Variants in PLEKHD1 observed in about 807,000 individuals in gnomAD.
PLEKHD1 encodes pleckstrin homology and coiled-coil domain containing D1, also known as pleckstrin homology domain-containing family D member 1.
Under a neutral mutation model 69.2 loss-of-function variants are expected in PLEKHD1, and 51 were observed. The observed-to-expected ratio is 0.74, with a 90% CI of 0.59 to 0.93. The LOEUF is 0.93. Ranked by LOEUF, PLEKHD1 falls within the 40% of genes least tolerant of loss-of-function variation. The pLI is 0.00. For missense variants in PLEKHD1, 584 were observed against 641.0 expected (o/e 0.91, Z 0.96); for synonymous variants, 236 against 244.7 (o/e 0.96, Z 0.33).
intron 3 of PLEKHD1, 86 bp from the exon 4 acceptor site, chr14:69,500,785 G>GCT: frequency 6.6e-7 from 1 of 1,517,992 alleles, no homozygotes. Flanking sequence ...CCAGGGATGT[G>GCT]GGGTGGGTGA....
At position 69,528,574 on chromosome 14, in the gene PLEKHD1, C is replaced by T; in HGVS notation, c.*155C>T. The T allele has an allele frequency of 2.9e-6, 3 of 1,049,050 alleles. No homozygotes were observed. In the South Asian group the frequency reaches 5.0e-5, roughly 18 times the overall value. The allele number at this position is 1,049,050 out of a possible 1,614,324, so 65.0% of individuals were successfully genotyped here. A position where few individuals can be genotyped will look rare whatever the true frequency, so the allele number is the denominator to read the frequency against. The stretch of plus-strand genomic sequence containing the variant: ...AGCTCCACTTGGGGGCCAGCCTTGC[C>T]CTCAAAGGACATGGACGCTGCCTTC... On this transcript the variant is annotated 3_prime_UTR_variant, in exon 13 of 13. Transcript: ENST00000322564.
At chr14:69,482,893 T>TA (rs200607778), upstream of PLEKHD1, among the ~76,000 whole-genome samples, 22,488 of 129,500 alleles carry the variant, frequency 0.17, 1,908 homozygotes, top group South Asian at 0.24. Context: ...CCCATCTCTC[T>TA]AAAAAAAAAA....
chr14:69,499,237 AC>A (rs1325421369), intron 1 of PLEKHD1, among the ~76,000 whole-genome samples: 1 of 105,456 alleles, frequency 9.5e-6, no homozygotes, highest in East Asian at 2.7e-4. Context: ...ACACACACAC[AC>A]ACACACACAC....
intron 6 of PLEKHD1, among the ~76,000 whole-genome samples, chr14:69,514,068 G>C (rs944663550): frequency 6.6e-6 from 1 of 151,962 alleles, no homozygotes; most frequent in African/African-American, 2.4e-5. Context: ...GATATGGTTT[G>C]TTTAGGGCAT....
intron 6 of PLEKHD1, among the ~76,000 whole-genome samples, chr14:69,521,972 C>T (rs1883524942): frequency 6.6e-6 from 1 of 152,130 alleles, no homozygotes; most frequent in South Asian, 2.1e-4. Flanking sequence ...TGGAGCTGCC[C>T]TGCAGAGTAG....
chr14:69,527,759 C>T (rs1296693111), intron 11 of PLEKHD1, 24 bp from the exon 12 acceptor site: 1 of 1,551,028 alleles, frequency 6.4e-7, no homozygotes, highest in East Asian at 2.4e-5. Context: ...CGGAACCCCA[C>T]CCTTCCTGGC....
At chr14:69,507,506 GTTTA>G (rs1220185995) in intron 6 of PLEKHD1, among the ~76,000 whole-genome samples, 1 of 152,134 alleles carries the variant, frequency 6.6e-6, no homozygotes, top group Non-Finnish European at 1.5e-5. Context: ...TACATTTTCA[GTTTA>G]TTTGGAAAAG....
chr14:69,501,310 C>A, intron 4 of PLEKHD1: 1 of 363,748 alleles, frequency 2.7e-6, no homozygotes, highest in Non-Finnish European at 5.1e-6. Context: ...AAATCTCCTG[C>A]CAACCCAGTC....
intron 6 of PLEKHD1, among the ~76,000 whole-genome samples, chr14:69,509,735 C>T (rs1022025405): frequency 3.3e-5 from 5 of 151,996 alleles, no homozygotes; most frequent in South Asian, 2.1e-4. Context: ...GTCAGGAGTT[C>T]GAAACCAGCC....
rs79880353 is a variant in PLEKHD1 at position 69,489,273 on chromosome 14, G to A, written c.149+4159G>A. Among the ~76,000 whole-genome samples the A allele has an allele frequency of 7.2e-3, 1,092 of 152,304 alleles. 9 individuals are homozygous for A. The highest frequency in any genetic ancestry group is 0.025 in the African/African-American group (1,037 of 41,560). On this transcript the variant is annotated intron_variant, in intron 1 of 12. Coordinates refer to ENST00000322564, the MANE Select transcript of PLEKHD1 (RefSeq NM_001161498.2). ...AGAGCAGCTGTGGGTATGGTAGAAA[G>A]TGAATCTAAGGCCGGGTGTGGTGGC...
At chr14:69,526,907 A>G (rs982356462) in intron 10 of PLEKHD1, 78 bp downstream of exon 10, 10 of 1,442,634 alleles carry the variant, frequency 6.9e-6, no homozygotes, top group Non-Finnish European at 8.2e-6. Flanking sequence ...TTTACCGGGT[A>G]GCTGCATGAA....
rs894498766 is a variant in PLEKHD1 at position 69,524,110 on chromosome 14, A to T, written c.651-119A>T. On this transcript the variant is annotated intron_variant, in intron 7 of 12. Coordinates refer to ENST00000322564, the MANE Select transcript of PLEKHD1 (RefSeq NM_001161498.2). ...GCCCAGCTGTGCAGAGGGGCTGGCC[A>T]TTCAAGAGCCCTCCTGAGCCCCATC... 20 of 791,244 alleles carry T rather than the reference A, an allele frequency of 2.5e-5. No individual in the cohort carries two copies. In the Admixed American group the frequency reaches 4.3e-4, roughly 17 times the overall value. The allele number at this position is 791,244 out of a possible 1,614,324, so 49.0% of individuals were successfully genotyped here.
chr14:69,500,475 C>T (rs188414654), intron 2 of PLEKHD1, 102 bp from the exon 3 acceptor site: 1 of 938,262 alleles, frequency 1.1e-6, no homozygotes, highest in Non-Finnish European at 1.6e-6. Flanking sequence ...AGCTTCCATC[C>T]TGGGGCACTT....
intron 6 of PLEKHD1, among the ~76,000 whole-genome samples, chr14:69,520,793 G>A (rs1177230370): frequency 6.6e-6 from 1 of 152,202 alleles, no homozygotes; most frequent in Non-Finnish European, 1.5e-5. Context: ...CTTGTATATA[G>A]ACACTGGTTG....
At chr14:69,524,185 T>G (rs1594993389) in intron 7 of PLEKHD1, 44 bp from the exon 8 acceptor site, 1 of 1,417,048 alleles carries the variant, frequency 7.1e-7, no homozygotes, top group Non-Finnish European at 9.7e-7. Flanking sequence ...TGGTGGGGGG[T>G]GGGGAGAGTG....
intron 4 of PLEKHD1, 140 bp downstream of exon 4, chr14:69,501,087 C>A: frequency 1.2e-6 from 1 of 849,320 alleles, no homozygotes; most frequent in Non-Finnish European, 1.9e-6. Flanking sequence ...TAGGGGAGAG[C>A]AGACAGGCCA....
At chr14:69,510,374 G>A (rs546724529) in intron 6 of PLEKHD1, among the ~76,000 whole-genome samples, 74 of 152,190 alleles carry the variant, frequency 4.9e-4, no homozygotes, top group African/African-American at 1.7e-3. Flanking sequence ...ATTACATTCT[G>A]TAGTTTTCTA....
At chr14:69,495,545 G>A (rs1490857454) in intron 1 of PLEKHD1, among the ~76,000 whole-genome samples, 1 of 152,224 alleles carries the variant, frequency 6.6e-6, no homozygotes, top group Admixed American at 6.5e-5. Context: ...GTGGTGTTAA[G>A]TGCATTAATA....
intron 5 of PLEKHD1, 132 bp from the exon 6 acceptor site, chr14:69,502,695 G>A (rs1156649044): frequency 1.7e-6 from 2 of 1,149,190 alleles, no homozygotes; most frequent in Non-Finnish European, 2.5e-6. Flanking sequence ...CCCTCTGGCT[G>A]GCAGGGCTGC....
Sources: gnomAD v4.1 joint callset for allele counts (sites outside exome capture counted in the v4.1 genomes callset) on GRCh38, gnomAD v4.1.1 for gene constraint, MANE v1.5 for transcripts, NCBI Gene and HGNC (gene_info 2026-07-23, HGNC 2026-07-21) for gene names.